The following TKFC variants were observed in gnomAD, a reference collection of about 807,000 sequenced individuals.
TKFC encodes triokinase/FMN cyclase.
A neutral mutation model predicts 61.0 loss-of-function variants in TKFC; 46 were observed. That is an observed-to-expected ratio of 0.75 (90% CI 0.60 to 0.96). The LOEUF is 0.96. TKFC is among the 50% of genes least tolerant of loss of function. TKFC has a pLI of 0.00. For missense variants in TKFC, 715 were observed against 777.5 expected (o/e 0.92, Z 0.96); for synonymous variants, 314 against 330.1 (o/e 0.95, Z 0.53).
Position 61,346,180 on chromosome 11 carries a change from T to A in TKFC, c.1576-171T>A. 6.8e-7 allele frequency: 1 copy of A among 1,468,660 alleles called. No homozygotes were observed. Among genetic ancestry groups the A allele is most frequent in the Non-Finnish European group, 9.1e-7 (1 of 1,104,118 alleles). The allele number at this position is 1,468,660 out of a possible 1,614,324, so 91.0% of individuals were successfully genotyped here. On this transcript the variant is annotated intron_variant, in intron 17 of 17. Coordinates refer to ENST00000394900, the MANE Select transcript of TKFC (RefSeq NM_015533.4). The surrounding 1 kb of genome is among the most constrained non-coding windows in gnomAD (Gnocchi z 4.1). Reference sequence around the variant, plus strand: ...AGTGAATGGTGACCCTTTTCCCTGCTGGAAGTAGATGAGAAGTGACTTTCC... The same window carrying A: ...AGTGAATGGTGACCCTTTTCCCTGCAGGAAGTAGATGAGAAGTGACTTTCC...
At chr11:61,335,998 T>G (rs1856592945) in intron 2 of TKFC, 1 of 152,288 alleles carries the variant, frequency 6.6e-6, no homozygotes, top group South Asian at 2.1e-4. Context: ...TTCTCCATGT[T>G]GATCAGGCTA....
At position 61,335,082 on chromosome 11, in the gene TKFC, C is replaced by T. The variant is rs117015392; in HGVS notation, c.3+351C>T. ...GAATCGTGAAGAATGACCATGTGAC[C>T]GTTCCTAACCTTGGGGCTTATGTGG... On this transcript the variant is annotated intron_variant, in intron 2 of 17. Transcript: ENST00000394900. Among the ~76,000 whole-genome samples the T allele has an allele frequency of 3.4e-3, 525 of 152,258 alleles. 1 individual carries two copies. Among genetic ancestry groups the T allele is most frequent in the Middle Eastern group, 0.014 (4 of 294 alleles).
intron 11 of TKFC, 81 bp downstream of exon 11, chr11:61,343,539 G>A (rs1175585142): frequency 7.6e-7 from 1 of 1,321,630 alleles, no homozygotes; most frequent in Admixed American, 1.8e-5. Context: ...GACCCCGTCA[G>A]GGCTGACCGT....
chr11:61,333,735 C>T (rs2134958628), intron 1 of TKFC: 1 of 152,320 alleles, frequency 6.6e-6, no homozygotes, highest in African/African-American at 2.4e-5. Context: ...CCGTAGGGAA[C>T]CTTAATGAGC....
At position 61,342,636 on chromosome 11, in the gene TKFC, G is replaced by A. The variant is rs143061321; in HGVS notation, c.753G>A (p.Ala251=). Residue 251 remains alanine, a synonymous_variant, in exon 9 of 18, where the codon GCG becomes GCA. Coordinates refer to ENST00000394900, the MANE Select transcript of TKFC (RefSeq NM_015533.4). ...ACCACATGACAAACACCACCAACGCGTCCCATGTGCCTGTGCAGCCCGGTG... is the reference window on the plus strand; with the variant it reads ...ACCACATGACAAACACCACCAACGCATCCCATGTGCCTGTGCAGCCCGGTG... ...MLDHMTNTTN[A]SHVPVQPGSS... The A allele has an allele frequency of 5.0e-5, 81 of 1,614,054 alleles. No homozygotes were observed. In the African/African-American group the frequency reaches 9.1e-4, roughly 18 times the overall value.
At chr11:61,351,267 G>A, downstream of TKFC, 4 of 582,226 alleles carry the variant, frequency 6.9e-6, no homozygotes, top group Non-Finnish European at 5.3e-6. Context: ...ATGTGATCTA[G>A]AATTTTAACA....
chr11:61,344,870 A>T (rs1168651926), intron 13 of TKFC, among the ~76,000 whole-genome samples: 1 of 152,180 alleles, frequency 6.6e-6, no homozygotes, highest in African/African-American at 2.4e-5. Context: ...TGGGGCAGGC[A>T]CTGCTCTCAG....
Position 61,334,652 on chromosome 11 carries a change from A to G in TKFC, c.-77A>G, listed in dbSNP as rs1197966357. 1.2e-6 allele frequency: 2 copies of G among 1,605,520 alleles called. No individual in the cohort carries two copies. Among genetic ancestry groups the G allele is most frequent in the African/African-American group, 1.3e-5 (1 of 74,778 alleles). The stretch of plus-strand genomic sequence containing the variant: ...TGCTGCCTCCACTGTACTCAGACCC[A>G]GGTAGCACAGGATTGTCCATCCTCC... On this transcript the variant is annotated 5_prime_UTR_variant, in exon 2 of 18. Coordinates refer to ENST00000394900, the MANE Select transcript of TKFC (RefSeq NM_015533.4).
At chr11:61,338,278 G>T (rs898897555) in intron 3 of TKFC, 148 bp downstream of exon 3, 21 of 748,362 alleles carry the variant, frequency 2.8e-5, no homozygotes, top group Middle Eastern at 4.0e-4. Flanking sequence ...CTCCGGCTGG[G>T]ATCAGGGGCC....
rs991537537 is a variant in TKFC, at chr11:61,348,327, C to T, written c.*1824C>T. Reference sequence around the variant, plus strand: ...CACATAAATGAGCTGCATGTGAATCCACACATGCCATTCCATGAAGACAGA... The same window carrying T: ...CACATAAATGAGCTGCATGTGAATCTACACATGCCATTCCATGAAGACAGA... On this transcript the variant is annotated 3_prime_UTR_variant, in exon 18 of 18. Coordinates refer to ENST00000394900, the MANE Select transcript of TKFC (RefSeq NM_015533.4). 4.0e-5 allele frequency: 37 copies of T among 936,048 alleles called. No homozygotes were observed. The African/African-American group carries it at 6.8e-4, about 17-fold the overall frequency. 58.0% of individuals were successfully genotyped at this position (936,048 alleles called of 1,614,324 possible).
At position 61,345,283 on chromosome 11, in the gene TKFC, G is replaced by A. The variant is rs759379233; in HGVS notation, c.1264G>A (p.Gly422Ser). Residue 422 changes from glycine to serine, a missense_variant, in exon 14 of 18, where the codon GGC becomes AGC. Coordinates refer to ENST00000394900, the MANE Select transcript of TKFC (RefSeq NM_015533.4). ...AGCAATCCAGGAGTGGCTGAAGGAG[G>A]GCCCACCCCCTGCCAGCCCTGCCCA... ...ARAIQEWLKE[G>S]PPPASPAQLL... 2 of 1,587,094 alleles carry A rather than the reference G, an allele frequency of 1.3e-6. No homozygotes were observed. The highest frequency in any genetic ancestry group is 1.3e-5 in the African/African-American group (1 of 74,540).
rs1857120867 is a variant in TKFC, at chr11:61,346,280, T to A, written c.1576-71T>A. 8 of 1,604,566 alleles carry A rather than the reference T, an allele frequency of 5.0e-6. No homozygotes were observed. Among genetic ancestry groups the A allele is most frequent in the Non-Finnish European group, 6.8e-6 (8 of 1,179,338 alleles). ...AGGGCCAGGCTGCACGGCAGAGACG[T>A]TCTGCCCATGGCAGGAAGGAGGCGG... On this transcript the variant is annotated intron_variant, in intron 17 of 17. Coordinates refer to ENST00000394900, the MANE Select transcript of TKFC (RefSeq NM_015533.4). The surrounding 1 kb of genome is among the most constrained non-coding windows in gnomAD (Gnocchi z 4.1).
intron 13 of TKFC, among the ~76,000 whole-genome samples, chr11:61,344,600 G>A (rs1857027758): frequency 2.0e-5 from 3 of 151,972 alleles, no homozygotes; most frequent in Admixed American, 1.3e-4. Flanking sequence ...CCCACCTCAA[G>A]CCATCCGCTC....
At chr11:61,339,809 C>G (rs1416387502) in intron 5 of TKFC, among the ~76,000 whole-genome samples, 1 of 152,142 alleles carries the variant, frequency 6.6e-6, no homozygotes, top group Non-Finnish European at 1.5e-5. Flanking sequence ...TTCCTGCCTT[C>G]TGGCCTTGCT....
In TKFC at chr11:61,347,849, T is replaced by G. The variant is rs553145578; in HGVS notation, c.*1346T>G. ...ACATGAAAGGATTCAAATGAATTGA[T>G]GAAGATGGGCCATAAAGCCCAGCAC... On this transcript the variant is annotated 3_prime_UTR_variant, in exon 18 of 18. Coordinates refer to ENST00000394900, the MANE Select transcript of TKFC (RefSeq NM_015533.4). The G allele has an allele frequency of 5.1e-6, 5 of 980,736 alleles. No homozygotes were observed. In the African/African-American group the frequency reaches 8.7e-5, roughly 17 times the overall value. The allele number at this position is 980,736 out of a possible 1,614,324, so 60.8% of individuals were successfully genotyped here.
Position 61,345,491 on chromosome 11 carries a change from A to G in TKFC, c.1377A>G (p.Ala459=), listed in dbSNP as rs1185299972. Residue 459 remains alanine (A), a synonymous_variant, in exon 15 of 18, where the codon GCA becomes GCG. Transcript: ENST00000394900. ...ATGGCCTGTTCCTGACTGCGGCTGC[A>G]CAGCCCCTGAAGGCCAAGACCAGCC... ...ALYGLFLTAA[A]QPLKAKTSLP... The G allele has an allele frequency of 6.2e-7, 1 of 1,613,350 alleles. No homozygotes were observed. Among genetic ancestry groups the G allele is most frequent in the Non-Finnish European group, 8.5e-7 (1 of 1,180,016 alleles).
intron 3 of TKFC, 136 bp downstream of exon 3, chr11:61,338,266 C>T (rs1304998650): frequency 8.5e-6 from 7 of 828,366 alleles, no homozygotes; most frequent in Non-Finnish European, 1.1e-5. Flanking sequence ...CTCTCCCACT[C>T]CCTCCGGCTG....
At chr11:61,351,111 A>G, downstream of TKFC, 1 of 1,613,864 alleles carries the variant, frequency 6.2e-7, no homozygotes, top group Non-Finnish European at 8.5e-7. Context: ...AGACCGCCTC[A>G]CTGGGCAGGC....
chr11:61,343,665 C>A, intron 11 of TKFC, 191 bp from the exon 12 acceptor site: 1 of 950,438 alleles, frequency 1.1e-6, no homozygotes, highest in Non-Finnish European at 1.6e-6. Flanking sequence ...AGAGGCCTGA[C>A]CCTTTCCCAG....
Sources: allele counts gnomAD v4.1 joint callset (sites outside exome capture counted in the v4.1 genomes callset), GRCh38; gene constraint gnomAD v4.1.1; non-coding constraint Gnocchi (gnomAD v3.1); transcripts MANE v1.5; gene names NCBI Gene and HGNC (gene_info 2026-07-23, HGNC 2026-07-21).